MALRD1: variants seen among roughly 807,000 people sequenced by gnomAD.
MALRD1 encodes MAM and LDL receptor class A domain containing 1, also known as MAM and LDL-receptor class A domain-containing protein 1.
In MALRD1, 247 loss-of-function variants were observed where a neutral mutation model predicts 242.1. That is an observed-to-expected ratio of 1.02 (90% confidence interval 0.92 to 1.13). The LOEUF (loss-of-function observed/expected upper bound fraction) is 1.13, where lower values mean the gene tolerates loss of function less well. MALRD1 is among the 50% of genes most tolerant of loss of function. The probability of loss-of-function intolerance (pLI) is 0.00; values close to 1 mark genes in which losing one functional copy is unlikely to be tolerated. For synonymous variants in MALRD1, 995 were observed against 866.6 expected (o/e 1.15, Z -2.60); for missense variants, 2,989 against 2,533.1 (o/e 1.18, Z -3.86).
intron 33 of MALRD1, among the ~76,000 whole-genome samples, chr10:19,583,217 C>A (rs77173329): frequency 0.5 from 73,036 of 145,422 alleles, 18,446 homozygotes; most frequent in African/African-American, 0.53. Context: ...CCCTTTATTT[C>A]CTTCTCCTTC....
chr10:19,521,734 T>C (rs3864835), intron 31 of MALRD1, among the ~76,000 whole-genome samples: 37,794 of 152,088 alleles, frequency 0.25, 7,513 homozygotes, highest in African/African-American at 0.56. Flanking sequence ...TATTTAATAC[T>C]ACTGATCAAT....
chr10:19,625,271 T>C (rs1341409807), intron 36 of MALRD1, among the ~76,000 whole-genome samples: 1 of 152,054 alleles, frequency 6.6e-6, no homozygotes, highest in Non-Finnish European at 1.5e-5. Context: ...TTGAATAAAA[T>C]GCCTTAAAGG....
intron 12 of MALRD1, among the ~76,000 whole-genome samples, chr10:19,161,550 C>CAAAAAAAAAAAAAAAAAAAAAAAAAAA: frequency 6.6e-5 from 4 of 60,836 alleles, no homozygotes; most frequent in African/African-American, 1.4e-4. Context: ...AAAAAAAAAG[C>CAAAAAAAAAAAAAAAAAAAAAAAAAAA]AAAAAAAAAA....
At chr10:19,734,028 A>T in intron 39 of MALRD1, 129 bp from the exon 40 acceptor site, 2 of 656,702 alleles carry the variant, frequency 3.0e-6, no homozygotes, top group Non-Finnish European at 5.1e-6. Flanking sequence ...AAGAAGAGTC[A>T]GGGATGTTCT....
At chr10:19,389,202 G>GCATAAATAT (rs2130812811) in intron 27 of MALRD1, 1 of 585,030 alleles carries the variant, frequency 1.7e-6, no homozygotes, top group Non-Finnish European at 3.2e-6. Flanking sequence ...TGATGCGACG[G>GCATAAATAT]CATAAATATC....
intron 29 of MALRD1, among the ~76,000 whole-genome samples, chr10:19,479,454 G>A (rs566009996): frequency 1.3e-5 from 2 of 152,136 alleles, no homozygotes; most frequent in Non-Finnish European, 2.9e-5. Context: ...AGACTGTGGT[G>A]CCAAAGCATG....
chr10:19,392,054 T>A (rs1419065071), intron 28 of MALRD1, among the ~76,000 whole-genome samples: 1 of 152,232 alleles, frequency 6.6e-6, no homozygotes, highest in Non-Finnish European at 1.5e-5. Context: ...TTTAAAAGCA[T>A]GTGCCATTGA....
At chr10:19,537,835 G>A (rs1483306117) in intron 32 of MALRD1, among the ~76,000 whole-genome samples, 3 of 151,946 alleles carry the variant, frequency 2.0e-5, no homozygotes, top group East Asian at 1.9e-4. Context: ...CATCACCTTC[G>A]GGGTTAGGAT....
chr10:19,487,993 T>C (rs566586188), intron 29 of MALRD1, among the ~76,000 whole-genome samples: 1 of 152,270 alleles, frequency 6.6e-6, no homozygotes, highest in South Asian at 2.1e-4. Context: ...TACTGCCTAA[T>C]TGTCAGTAAA....
At chr10:19,296,876 G>A (rs1173297604) in intron 21 of MALRD1, among the ~76,000 whole-genome samples, 1 of 151,494 alleles carries the variant, frequency 6.6e-6, no homozygotes, top group Non-Finnish European at 1.5e-5. Context: ...TAATTTTAGT[G>A]AAGAATCAGT....
intron 32 of MALRD1, among the ~76,000 whole-genome samples, chr10:19,551,542 C>T (rs1835469629): frequency 6.6e-6 from 1 of 152,044 alleles, no homozygotes; most frequent in Non-Finnish European, 1.5e-5. Flanking sequence ...GATCATGTCG[C>T]CTGCAAAGAG....
intron 36 of MALRD1, among the ~76,000 whole-genome samples, chr10:19,643,401 G>A (rs1231161309): frequency 6.6e-6 from 1 of 152,116 alleles, no homozygotes; most frequent in Non-Finnish European, 1.5e-5. Flanking sequence ...AGCCGAGACT[G>A]TGCCAACGCA....
At chr10:19,234,628 TCTTTAAAAAAAAAGCGCTAA>T (rs1838221221) in intron 18 of MALRD1, among the ~76,000 whole-genome samples, 1 of 62,624 alleles carries the variant, frequency 1.6e-5, no homozygotes, top group Non-Finnish European at 2.9e-5. Flanking sequence ...AGGGAGCTTA[TCTTTAAAAAAAAAGCGCTAA>T]TTCATGTCTA....
intron 26 of MALRD1, among the ~76,000 whole-genome samples, chr10:19,381,623 T>A (rs1002085126): frequency 6.7e-6 from 1 of 150,234 alleles, no homozygotes; most frequent in East Asian, 2.0e-4. Context: ...AGGTCAGGAG[T>A]TCCGGACCAG....
intron 33 of MALRD1, among the ~76,000 whole-genome samples, chr10:19,578,462 C>T (rs1299268455): frequency 6.6e-6 from 1 of 152,148 alleles, no homozygotes; most frequent in Non-Finnish European, 1.5e-5. Context: ...AAGGCTGAGG[C>T]AGATGTAACA....
At chr10:19,078,037 T>C (rs1220514833) in intron 2 of MALRD1, among the ~76,000 whole-genome samples, 1 of 151,952 alleles carries the variant, frequency 6.6e-6, no homozygotes, top group Non-Finnish European at 1.5e-5. Flanking sequence ...ATGAGATAAT[T>C]CATAAAAGTT....
intron 30 of MALRD1, among the ~76,000 whole-genome samples, chr10:19,496,754 G>A (rs1837738187): frequency 1.3e-5 from 2 of 152,160 alleles, no homozygotes; most frequent in Non-Finnish European, 2.9e-5. Flanking sequence ...GCAAATATAT[G>A]TGAATATTTT....
At chr10:19,284,396 C>T (rs3123347) in intron 21 of MALRD1, among the ~76,000 whole-genome samples, 19,491 of 113,056 alleles carry the variant, frequency 0.17, 1,765 homozygotes, top group South Asian at 0.29. Flanking sequence ...TGCTATCCCT[C>T]CCCCCTCCCC....
At chr10:19,330,345 A>T (rs1843309494) in intron 23 of MALRD1, among the ~76,000 whole-genome samples, 1 of 151,390 alleles carries the variant, frequency 6.6e-6, no homozygotes, top group Non-Finnish European at 1.5e-5. Flanking sequence ...CCGCATCTGA[A>T]GGAAAAAAAA....
Sources: allele counts gnomAD v4.1 joint callset (sites outside exome capture counted in the v4.1 genomes callset), GRCh38; gene constraint gnomAD v4.1.1; transcripts MANE v1.5; gene names NCBI Gene and HGNC (gene_info 2026-07-23, HGNC 2026-07-21).